PYROXD2: variants seen among roughly 807,000 people sequenced by gnomAD.
PYROXD2 encodes the protein pyridine nucleotide-disulfide oxidoreductase domain-containing protein 2.
A neutral mutation model predicts 71.1 loss-of-function variants in PYROXD2; 69 were observed. That is an observed-to-expected ratio of 0.97 (90% CI 0.80 to 1.19). The LOEUF (loss-of-function observed/expected upper bound fraction) is 1.19. Among genes scored for constraint, PYROXD2 ranks in the 50% most tolerant of loss-of-function variants. The probability of loss-of-function intolerance (pLI) is 0.00; values close to 1 mark genes in which losing one functional copy is unlikely to be tolerated. For synonymous variants in PYROXD2, 287 were observed against 302.7 expected (o/e 0.95, Z 0.54); for missense variants, 745 against 748.9 (o/e 0.99, Z 0.06).
intron 4 of PYROXD2, among the ~76,000 whole-genome samples, chr10:98,403,583 C>A (rs1383594437): frequency 6.6e-6 from 1 of 152,202 alleles, no homozygotes; most frequent in Non-Finnish European, 1.5e-5. Flanking sequence ...TCTGCTCACG[C>A]CTGCCTGGGT....
At chr10:98,385,200 G>T in intron 14 of PYROXD2, 133 bp from the exon 15 acceptor site, 1 of 1,284,016 alleles carries the variant, frequency 7.8e-7, no homozygotes, top group Admixed American at 2.5e-5. Flanking sequence ...GTTTTAAAAT[G>T]CAGAAAGGGA....
Position 98,415,008 on chromosome 10 carries a change from C to T in PYROXD2, c.127+1G>A, listed in dbSNP as rs139943281. The T allele has an allele frequency of 8.1e-5, 131 of 1,611,552 alleles. No individual in the cohort carries two copies. In the African/African-American group the frequency reaches 1.7e-3, roughly 20 times the overall value. ...TGGCCCGGCCTGCTTTACCACTTTA[C>T]CTGCTCCTATCACCACCGCATCATA... On this transcript the variant is annotated splice_donor_variant, in intron 1 of 15. Transcript: ENST00000370575. LOFTEE classifies it high-confidence loss of function.
chr10:98,401,738 A>G (rs924817044), intron 4 of PYROXD2, among the ~76,000 whole-genome samples: 1 of 152,070 alleles, frequency 6.6e-6, no homozygotes, highest in African/African-American at 2.4e-5. Flanking sequence ...CTAGGCCTAC[A>G]CGGGGTCAGG....
intron 1 of PYROXD2, chr10:98,413,918 C>T (rs1843874721): frequency 6.6e-6 from 1 of 151,986 alleles, no homozygotes; most frequent in Non-Finnish European, 1.5e-5. Context: ...CAAAGAAAGC[C>T]TTTGGTAAGA....
chr10:98,399,312 C>G (rs1590958006), intron 5 of PYROXD2, among the ~76,000 whole-genome samples: 1 of 152,186 alleles, frequency 6.6e-6, no homozygotes, highest in East Asian at 1.9e-4. Flanking sequence ...TACATGGGTT[C>G]TATTAACCTA....
intron 15 of PYROXD2, among the ~76,000 whole-genome samples, chr10:98,384,167 G>A (rs1842677136): frequency 6.6e-6 from 1 of 151,744 alleles, no homozygotes; most frequent in Non-Finnish European, 1.5e-5. Flanking sequence ...AGAATAAGGG[G>A]CTGGGGGGAG....
intron 12 of PYROXD2, 149 bp from the exon 13 acceptor site, chr10:98,388,657 A>G (rs1842843863): frequency 1.0e-6 from 1 of 957,066 alleles, no homozygotes; most frequent in Non-Finnish European, 1.5e-6. Flanking sequence ...GTCCACCTGC[A>G]CGGGCTTAGC....
At chr10:98,388,653 C>T (rs987935367) in intron 12 of PYROXD2, 145 bp from the exon 13 acceptor site, 1 of 968,590 alleles carries the variant, frequency 1.0e-6, no homozygotes, top group Non-Finnish European at 1.5e-6. Flanking sequence ...GGTTGTCCAC[C>T]TGCACGGGCT....
rs746116963 is a variant in PYROXD2 at position 98,395,382 on chromosome 10, A to G, written c.687+9T>C. On this transcript the variant is annotated intron_variant, in intron 7 of 15. Coordinates refer to ENST00000370575, the MANE Select transcript of PYROXD2 (RefSeq NM_032709.3). ...GCCTGGTCGGGCCTGAGGCTGGGGA[A>G]CCACTCACCTTGGTAATGGGAGCTG... 10 of 1,614,138 alleles carry G rather than the reference A, an allele frequency of 6.2e-6. No homozygotes were observed. The highest frequency in any genetic ancestry group is 8.5e-6 in the Non-Finnish European group (10 of 1,179,948).
In PYROXD2 at chr10:98,392,955, A is replaced by T; in HGVS notation, c.914T>A (p.Ile305Asn). ...ASSATTHGASIFTEKTVAKVQ... is the reference protein window; with the variant it reads ...ASSATTHGASNFTEKTVAKVQ... ...GGGGCCGTTCACCTTTTCAGTGAAGATGCTTGCTCCATGTGTGGTGGCTGA... is the reference window on the plus strand; with the variant it reads ...GGGGCCGTTCACCTTTTCAGTGAAGTTGCTTGCTCCATGTGTGGTGGCTGA... The change falls in exon 9 of 16, where the codon ATC (isoleucine) becomes AAC (asparagine). Residue 305 changes from isoleucine to asparagine, a missense_variant. By Grantham distance (149) the Ile-to-Asn change is moderately radical. Coordinates refer to ENST00000370575, the MANE Select transcript of PYROXD2 (RefSeq NM_032709.3). 1 of 1,613,880 alleles carries T rather than the reference A, an allele frequency of 6.2e-7. No individual in the cohort carries two copies. Among genetic ancestry groups the T allele is most frequent in the Non-Finnish European group, 8.5e-7 (1 of 1,179,872 alleles).
chr10:98,410,598 T>A, intron 2 of PYROXD2: 14 of 317,502 alleles, frequency 4.4e-5, no homozygotes, highest in East Asian at 1.8e-4. Flanking sequence ...AGGTGCCCAA[T>A]CCCCTGGTTC....
intron 4 of PYROXD2, 121 bp downstream of exon 4, chr10:98,407,460 TG>T: frequency 1.7e-6 from 2 of 1,196,816 alleles, no homozygotes; most frequent in Non-Finnish European, 2.4e-6. Flanking sequence ...AAGACTTGGG[TG>T]GAAGAGGGAG....
rs548264879 is a variant in PYROXD2 at position 98,411,385 on chromosome 10, C to T, written c.128-427G>A. The T allele has an allele frequency of 2.6e-5, 5 of 195,994 alleles. No homozygotes were observed. The South Asian group carries it at 5.5e-4, about 22-fold the overall frequency. 12.1% of individuals were successfully genotyped at this position (195,994 alleles called of 1,614,324 possible). A position where few individuals can be genotyped will look rare whatever the true frequency, so the allele number is the denominator to read the frequency against. ...CCGTCTCGCATGGCAGCATCAGCATCCAGGGGAGTGCTGGTCATGTAGGTA... is the reference window on the plus strand; with the variant it reads ...CCGTCTCGCATGGCAGCATCAGCATTCAGGGGAGTGCTGGTCATGTAGGTA... On this transcript the variant is annotated intron_variant, in intron 1 of 15. Coordinates refer to ENST00000370575, the MANE Select transcript of PYROXD2 (RefSeq NM_032709.3).
chr10:98,399,624 C>T (rs762534292), intron 5 of PYROXD2, among the ~76,000 whole-genome samples: 1 of 152,234 alleles, frequency 6.6e-6, no homozygotes, highest in Non-Finnish European at 1.5e-5. Context: ...CCTTGGGATG[C>T]CACACTGAAT....
chr10:98,410,255 T>C lies in PYROXD2; in HGVS notation c.147+684A>G, dbSNP rs960735168. On this transcript the variant is annotated intron_variant, in intron 2 of 15. Transcript: ENST00000370575. ...TCCCCCTATATTGATGTTCTAGAGC[T>C]GCTGCTGCTTCAAGAAGATGTTCCA... Among the ~76,000 whole-genome samples the C allele has an allele frequency of 4.8e-4, 73 of 152,362 alleles. 1 individual carries two copies. The highest frequency in any genetic ancestry group is 1.7e-3 in the African/African-American group (71 of 41,572).
At position 98,395,204 on chromosome 10, in the gene PYROXD2, C is replaced by T. The variant is rs147162823; in HGVS notation, c.777G>A (p.Pro259=). ...VIGAMTSPHT[P]GSGYVLLHHV... ...TCACCCCCCTCACTCACCCACTCCC[C>T]GGAGTGTGGGGACTTGTCATGGCTC... The change falls in exon 8 of 16, where the codon CCG becomes CCA. Residue 259 remains proline, a synonymous_variant. Coordinates refer to ENST00000370575, the MANE Select transcript of PYROXD2 (RefSeq NM_032709.3). 9.5e-4 allele frequency: 1,539 copies of T among 1,613,738 alleles called. 3 individuals carry two copies. The highest frequency in any genetic ancestry group is 1.2e-3 in the Non-Finnish European group (1,447 of 1,179,778).
chr10:98,389,462 G>A (rs1024933037), intron 12 of PYROXD2, among the ~76,000 whole-genome samples: 2 of 152,022 alleles, frequency 1.3e-5, no homozygotes, highest in African/African-American at 4.8e-5. Flanking sequence ...TAAAGCATAA[G>A]GCAGGCTCTG....
intron 4 of PYROXD2, among the ~76,000 whole-genome samples, chr10:98,404,584 T>C (rs1353213553): frequency 6.6e-6 from 1 of 151,966 alleles, no homozygotes; most frequent in Non-Finnish European, 1.5e-5. Flanking sequence ...AAAAACAAAA[T>C]GAAAGCAAAC....
intron 4 of PYROXD2, among the ~76,000 whole-genome samples, chr10:98,404,857 G>A (rs1237060020): frequency 2.0e-5 from 3 of 151,790 alleles, no homozygotes; most frequent in Non-Finnish European, 4.4e-5. Flanking sequence ...AACCCCTGGG[G>A]TTTCCCCAGC....
Sources: allele counts gnomAD v4.1 joint callset (sites outside exome capture counted in the v4.1 genomes callset), GRCh38; gene constraint gnomAD v4.1.1; transcripts MANE v1.5; gene names NCBI Gene and HGNC (gene_info 2026-07-23, HGNC 2026-07-21).